EPSTI1: variants seen among roughly 807,000 people sequenced by gnomAD.
EPSTI1 encodes epithelial stromal interaction 1.
In EPSTI1, 66 loss-of-function variants were observed where a neutral mutation model predicts 49.9. That is an observed-to-expected ratio of 1.32 (90% CI 1.08 to 1.62). The LOEUF is 1.62. Ranked by LOEUF, EPSTI1 falls within the 40% of genes most tolerant of loss-of-function variation. The probability of loss-of-function intolerance (pLI) is 0.00; values close to 1 mark genes in which losing one functional copy is unlikely to be tolerated. For missense variants in EPSTI1, 394 were observed against 365.5 expected (o/e 1.08, Z -0.64); for synonymous variants, 137 against 130.7 (o/e 1.05, Z -0.33).
chr13:42,965,256 C>T (rs962391006), intron 3 of EPSTI1, among the ~76,000 whole-genome samples: 4 of 152,116 alleles, frequency 2.6e-5, no homozygotes, highest in Admixed American at 6.5e-5. Flanking sequence ...GATGTCTAAG[C>T]ATTTACAAGT....
chr13:42,974,709 GCATCTTGTGTGTA>G (rs1273209136), intron 1 of EPSTI1, among the ~76,000 whole-genome samples: 1 of 151,896 alleles, frequency 6.6e-6, no homozygotes, highest in Non-Finnish European at 1.5e-5. Flanking sequence ...TTACACAACT[GCATCTTGTGTGTA>G]CATTCTTGCA....
Position 42,895,123 on chromosome 13 carries a change from A to C in EPSTI1, c.816-15T>G. 1.9e-6 allele frequency: 3 copies of C among 1,598,592 alleles called. No homozygotes were observed. The highest frequency in any genetic ancestry group is 2.6e-6 in the Non-Finnish European group (3 of 1,169,190). On this transcript the variant is annotated splice_polypyrimidine_tract_variant and intron_variant, in intron 9 of 10. Transcript: ENST00000313624. ...CATTATTTACCCTTTAAAACAATGAAAAATGTGTGTGAGTAGAAAACTTGC... is the reference window on the plus strand; with the variant it reads ...CATTATTTACCCTTTAAAACAATGACAAATGTGTGTGAGTAGAAAACTTGC...
chr13:42,965,237 A>G (rs1226462468), intron 3 of EPSTI1, among the ~76,000 whole-genome samples: 1 of 152,194 alleles, frequency 6.6e-6, no homozygotes, highest in Admixed American at 6.5e-5. Context: ...GAAGAAATGG[A>G]GAGAGCCAGA....
intron 6 of EPSTI1, among the ~76,000 whole-genome samples, chr13:42,930,033 G>A (rs985136494): frequency 3.9e-5 from 6 of 152,178 alleles, no homozygotes; most frequent in African/African-American, 1.4e-4. Context: ...CTGGGAATCT[G>A]CGTTTCTTAA....
At chr13:42,955,556 C>T (rs1184253416) in intron 5 of EPSTI1, among the ~76,000 whole-genome samples, 1 of 152,142 alleles carries the variant, frequency 6.6e-6, no homozygotes, top group Non-Finnish European at 1.5e-5. Flanking sequence ...AATCCCAGAT[C>T]TTTGGGAGGC....
At chr13:42,961,239 G>C (rs1482890316) in intron 5 of EPSTI1, among the ~76,000 whole-genome samples, 1 of 152,106 alleles carries the variant, frequency 6.6e-6, no homozygotes, top group Non-Finnish European at 1.5e-5. Flanking sequence ...ATCAGGTCTA[G>C]CAGGTAGGAG....
intron 6 of EPSTI1, among the ~76,000 whole-genome samples, chr13:42,936,853 T>A (rs935920150): frequency 6.6e-6 from 1 of 152,216 alleles, no homozygotes; most frequent in Non-Finnish European, 1.5e-5. Context: ...GATATTTTTC[T>A]TCCCAAACCT....
intron 8 of EPSTI1, among the ~76,000 whole-genome samples, chr13:42,914,835 C>T (rs1361768558): frequency 6.6e-6 from 1 of 152,044 alleles, no homozygotes; most frequent in African/African-American, 2.4e-5. Flanking sequence ...AAAAAGGAAG[C>T]ATCCAATGGA....
At chr13:42,938,111 C>A (rs2038625834) in intron 6 of EPSTI1, among the ~76,000 whole-genome samples, 1 of 151,532 alleles carries the variant, frequency 6.6e-6, no homozygotes, top group Non-Finnish European at 1.5e-5. Context: ...AACCTTGGTT[C>A]TTGGTTTTGA....
chr13:42,894,933 AAACAT>A, intron 10 of EPSTI1, 71 bp downstream of exon 10: 1 of 1,345,836 alleles, frequency 7.4e-7, no homozygotes, highest in African/African-American at 1.5e-5. Context: ...GAGAAGGCCA[AAACAT>A]ATATTAAAAA....
rs375047227 is a variant in EPSTI1, at chr13:42,969,056, C to T, written c.331+38G>A. The T allele has an allele frequency of 4.0e-5, 64 of 1,607,292 alleles. 1 individual carries two copies. In the African/African-American group the frequency reaches 7.1e-4, roughly 18 times the overall value. ...TGCTTACAGGATCCATAGGTGGCCC[C>T]GCCCTCCCTCATTCCGGCAGCGGCT... On this transcript the variant is annotated intron_variant, in intron 3 of 10. Coordinates refer to ENST00000313624, the MANE Select transcript of EPSTI1 (RefSeq NM_033255.5).
chr13:42,959,340 C>A (rs1324572315), intron 5 of EPSTI1, among the ~76,000 whole-genome samples: 1 of 152,180 alleles, frequency 6.6e-6, no homozygotes, highest in Non-Finnish European at 1.5e-5. Context: ...CAAAGAAATG[C>A]ATGATGTAGG....
chr13:42,890,296 C>CTTTTTT (rs71202241), intron 10 of EPSTI1, among the ~76,000 whole-genome samples: 11 of 116,290 alleles, frequency 9.5e-5, no homozygotes, highest in South Asian at 2.8e-4. Context: ...TTTTTCTTTT[C>CTTTTTT]TTTTTTTTTT....
rs193080927 is a variant in EPSTI1 at position 42,901,367 on chromosome 13, C to A, written c.742-984G>T. ...GACCCTCTAATATTCCACAGTCCCC[C>A]AAAATAAAAAGACTTATTTCTTATA... is the stretch of plus-strand genomic sequence containing the variant. On this transcript the variant is annotated intron_variant, in intron 8 of 10. Transcript: ENST00000313624. Among the ~76,000 whole-genome samples the A allele has an allele frequency of 1.9e-3, 293 of 152,212 alleles. 1 individual carries two copies. The highest frequency in any genetic ancestry group is 6.8e-3 in the African/African-American group (283 of 41,542).
intron 6 of EPSTI1, among the ~76,000 whole-genome samples, chr13:42,942,468 A>G (rs1398199180): frequency 6.6e-6 from 1 of 152,064 alleles, no homozygotes; most frequent in African/African-American, 2.4e-5. Flanking sequence ...ATTTGTACAT[A>G]TAATTAGCAT....
intron 7 of EPSTI1, among the ~76,000 whole-genome samples, chr13:42,918,533 C>T (rs138422463): frequency 7.2e-5 from 11 of 152,266 alleles, no homozygotes; most frequent in East Asian, 5.8e-4. Flanking sequence ...TTCCAGCCTA[C>T]GTGAACTTTT....
chr13:42,939,354 G>C (rs1195888231), intron 6 of EPSTI1, among the ~76,000 whole-genome samples: 1 of 152,160 alleles, frequency 6.6e-6, no homozygotes, highest in African/African-American at 2.4e-5. Context: ...AAGAGGTCTA[G>C]CTTTTGTCCT....
intron 6 of EPSTI1, among the ~76,000 whole-genome samples, chr13:42,926,998 C>T (rs1169817385): frequency 1.5e-5 from 2 of 137,758 alleles, no homozygotes; most frequent in African/African-American, 3.2e-5. Context: ...CAGACACACA[C>T]ACACACACAC....
chr13:42,941,616 GA>G (rs11383827), intron 6 of EPSTI1, among the ~76,000 whole-genome samples: 107 of 136,460 alleles, frequency 7.8e-4, no homozygotes, highest in Admixed American at 3.9e-3. Context: ...CAAGACACTG[GA>G]AAAAAAAAAA....
Sources: gnomAD v4.1 joint callset for allele counts (sites outside exome capture counted in the v4.1 genomes callset) on GRCh38, gnomAD v4.1.1 for gene constraint, MANE v1.5 for transcripts, NCBI Gene and HGNC (gene_info 2026-07-23, HGNC 2026-07-21) for gene names.